Variants in CYP2E1 observed in about 807,000 individuals in gnomAD.
CYP2E1 encodes cytochrome P450 2E1.
CYP2E1 carries 31 observed loss-of-function variants against 42.9 expected under a neutral mutation model. That is an observed-to-expected ratio of 0.72 (90% CI 0.54 to 0.98). The LOEUF (loss-of-function observed/expected upper bound fraction) is 0.98, where lower values mean the gene tolerates loss of function less well. Ranked by LOEUF, CYP2E1 falls within the 50% of genes least tolerant of loss-of-function variation. The pLI is 0.00. For synonymous variants in CYP2E1, 244 were observed against 248.9 expected (o/e 0.98, Z 0.19); for missense variants, 565 against 633.2 (o/e 0.89, Z 1.16).
chr10:133,531,945 C>A (rs1851343414), intron 3 of CYP2E1, 179 bp from the exon 4 acceptor site: 3 of 750,836 alleles, frequency 4.0e-6, no homozygotes, highest in Non-Finnish European at 6.4e-6. Flanking sequence ...GACTTGTATC[C>A]TAAATACTGT....
Position 133,537,831 on chromosome 10 carries a change from A to G in CYP2E1, c.1236A>G (p.Glu412=). 1 of 1,613,982 alleles carries G rather than the reference A, an allele frequency of 6.2e-7. No homozygotes were observed. The highest frequency in any genetic ancestry group is 1.1e-5 in the South Asian group (1 of 91,062). ...EFPDPEKFKP[E]HFLNENGKFK... is the part of the protein sequence containing the mutation. ...CTGATCCAGAAAAGTTTAAGCCAGA[A>G]CACTTCCTGAATGAAAATGGAAAGT... The change falls in exon 8 of 9, where the codon GAA becomes GAG. Residue 412 remains glutamate (E), a synonymous_variant. Coordinates refer to ENST00000252945, the MANE Select transcript of CYP2E1 (RefSeq NM_000773.4).
At position 133,539,109 on chromosome 10, in the gene CYP2E1, A is replaced by AT; in HGVS notation, c.*147dup. ...CAGAATATAAATAAATCATCACATGATTATTTTAACTATATGTTAAGTCAT... is the reference window on the plus strand; with the variant it reads ...CAGAATATAAATAAATCATCACATGATTTATTTTAACTATATGTTAAGTCAT... On this transcript the variant is annotated 3_prime_UTR_variant, in exon 9 of 9. Transcript: ENST00000252945. The AT allele has an allele frequency of 8.9e-6, 5 of 560,516 alleles. No homozygotes were observed. The highest frequency in any genetic ancestry group is 1.5e-5 in the Non-Finnish European group (5 of 342,540). 34.7% of individuals were successfully genotyped at this position (560,516 alleles called of 1,614,324 possible). A position where few individuals can be genotyped will look rare whatever the true frequency, so the allele number is the denominator to read the frequency against.
intron 2 of CYP2E1, among the ~76,000 whole-genome samples, chr10:133,530,157 G>T (rs529972205): frequency 2.8e-4 from 42 of 152,308 alleles, no homozygotes; most frequent in African/African-American, 9.9e-4. Flanking sequence ...CGGAAAATTA[G>T]CAGAGCCCTG....
At chr10:133,531,990 T>C (rs1022723490) in intron 3 of CYP2E1, 134 bp from the exon 4 acceptor site, 12 of 878,214 alleles carry the variant, frequency 1.4e-5, no homozygotes, top group African/African-American at 8.4e-5. Context: ...GGTTCAGACA[T>C]TCACTATCTT....
chr10:133,531,866 G>T, intron 3 of CYP2E1, 132 bp downstream of exon 3: 1 of 975,088 alleles, frequency 1.0e-6, no homozygotes, highest in African/African-American at 1.6e-5. Flanking sequence ...TGAGTCCCCA[G>T]ATACTGCATT....
chr10:133,536,958 G>C (rs1004848005), intron 6 of CYP2E1, 105 bp from the exon 7 acceptor site: 2 of 887,670 alleles, frequency 2.3e-6, no homozygotes, highest in Non-Finnish European at 3.6e-6. Context: ...ATGTGTAGGT[G>C]GGCAGATGGA....
At chr10:133,531,197 ATGT>A (rs1451750754) in intron 2 of CYP2E1, among the ~76,000 whole-genome samples, 2 of 152,192 alleles carry the variant, frequency 1.3e-5, no homozygotes. Context: ...CTTTTCAAGA[ATGT>A]TGTCGATAGA....
chr10:133,530,119 T>C (rs1851319219), intron 2 of CYP2E1, among the ~76,000 whole-genome samples: 1 of 152,146 alleles, frequency 6.6e-6, no homozygotes, highest in South Asian at 2.1e-4. Flanking sequence ...AAGTTTCATT[T>C]TCATATGACC....
At position 133,537,073 on chromosome 10, in the gene CYP2E1, T is replaced by G; in HGVS notation, c.978T>G (p.His326Gln). 3 of 1,613,388 alleles carry G rather than the reference T, an allele frequency of 1.9e-6. No individual in the cohort carries two copies. Among genetic ancestry groups the G allele is most frequent in the Non-Finnish European group, 2.5e-6 (3 of 1,179,638 alleles). The change falls in exon 7 of 9, where the codon CAT becomes CAG. Residue 326 changes from histidine (H) to glutamine (Q), a missense_variant. Physicochemically the swap from His to Gln is conservative, Grantham distance 24 (BLOSUM62 0). Transcript: ENST00000252945. ...MKYPEIEEKL[H>Q]EEIDRVIGPS... Reference sequence around the variant, plus strand: ...TTCATATCTTGGCAGAGAAGCTCCATGAAGAAATTGACAGGGTGATTGGGC... The same window carrying G: ...TTCATATCTTGGCAGAGAAGCTCCAGGAAGAAATTGACAGGGTGATTGGGC...
intron 8 of CYP2E1, among the ~76,000 whole-genome samples, chr10:133,538,506 A>G (rs1851433382): frequency 6.6e-6 from 1 of 152,190 alleles, no homozygotes; most frequent in African/African-American, 2.4e-5. Context: ...TACTGGGCAG[A>G]CACGGTCTTC....
At chr10:133,527,747 G>T (rs1422198126) in intron 1 of CYP2E1, among the ~76,000 whole-genome samples, 175 bp downstream of exon 1, 3 of 152,180 alleles carry the variant, frequency 2.0e-5, no homozygotes, top group Non-Finnish European at 2.9e-5. Context: ...GGTGCAGCTG[G>T]AGCCCGGAGC....
chr10:133,528,276 C>A, intron 1 of CYP2E1: 1 of 586,612 alleles, frequency 1.7e-6, no homozygotes, highest in Non-Finnish European at 3.0e-6. Flanking sequence ...AGCAGAGCAG[C>A]TGGAACCCCC....
intron 1 of CYP2E1, chr10:133,528,164 G>A (rs977193282): frequency 1.0e-5 from 3 of 290,034 alleles, no homozygotes; most frequent in Non-Finnish European, 2.0e-5. Flanking sequence ...TTCCGGAAGC[G>A]GGCAACGGGG....
Position 133,538,985 on chromosome 10 carries a change from A to G in CYP2E1, c.*21A>G. The G allele has an allele frequency of 6.5e-7, 1 of 1,544,384 alleles. No individual in the cohort carries two copies. The highest frequency in any genetic ancestry group is 8.7e-7 in the Non-Finnish European group (1 of 1,143,994). Reference sequence around the variant, plus strand: ...CATGAGTGTGTGGAGGACACCCTGAACCCCCCGCTTTCAAACAAGTTTTCA... The same window carrying G: ...CATGAGTGTGTGGAGGACACCCTGAGCCCCCCGCTTTCAAACAAGTTTTCA... On this transcript the variant is annotated 3_prime_UTR_variant, in exon 9 of 9. Coordinates refer to ENST00000252945, the MANE Select transcript of CYP2E1 (RefSeq NM_000773.4).
chr10:133,537,176 A>T lies in CYP2E1; in HGVS notation c.1081A>T (p.Ile361Phe), dbSNP rs769239142. 1 of 1,614,084 alleles carries T rather than the reference A, an allele frequency of 6.2e-7. No individual in the cohort carries two copies. The highest frequency in any genetic ancestry group is 1.1e-5 in the South Asian group (1 of 91,076). The change falls in exon 7 of 9, where the codon ATC becomes TTC. Residue 361 changes from isoleucine (I) to phenylalanine (F), a missense_variant. By Grantham distance (21) the Ile-to-Phe change is conservative. Coordinates refer to ENST00000252945, the MANE Select transcript of CYP2E1 (RefSeq NM_000773.4). Reference protein sequence around the residue: ...DAVVHEIQRFITLVPSNLPHE... With the variant: ...DAVVHEIQRFFTLVPSNLPHE... ...TGTGGTGCATGAGATTCAGCGGTTC[A>T]TCACCCTCGTGCCCTCCAACCTGCC...
chr10:133,534,245 G>T (rs1485399157), intron 6 of CYP2E1, among the ~76,000 whole-genome samples: 8 of 152,330 alleles, frequency 5.3e-5, no homozygotes, highest in Middle Eastern at 3.4e-3. Context: ...GTAAGACCTG[G>T]TCTTCTAGGC....
Position 133,533,792 on chromosome 10 carries a change from G to A in CYP2E1, c.862G>A (p.Gly288Ser), listed in dbSNP as rs61710826. The A allele has an allele frequency of 1.2e-3, 1,999 of 1,614,164 alleles. 38 individuals carry two copies. In the South Asian group the frequency reaches 0.02, roughly 16 times the overall value. ...HSAERLYTMD[G>S]ITVTVADLFF... ...TGCAGAGCGCTTGTACACAATGGAC[G>A]GTATCACCGTGACTGTGGCCGACCT... The change falls in exon 6 of 9, where the codon GGT becomes AGT. Residue 288 changes from glycine (G) to serine (S), a missense_variant. Gly to Ser is a moderately conservative substitution (Grantham distance 56). Coordinates refer to ENST00000252945, the MANE Select transcript of CYP2E1 (RefSeq NM_000773.4).
intron 1 of CYP2E1, chr10:133,528,217 AGTCCGCGGAGTTGCCGCGGAGTT>A (rs551397455): frequency 0.013 from 5,190 of 396,566 alleles, 57 homozygotes; most frequent in Middle Eastern, 0.019. Flanking sequence ...GAGGAGCCGG[AGTCCGCGGAGTTGCCGCGGAGTT>A]GTCCGCGGAG....
intron 6 of CYP2E1, among the ~76,000 whole-genome samples, chr10:133,536,506 T>G: frequency 8.0e-6 from 1 of 124,450 alleles, no homozygotes; most frequent in Non-Finnish European, 1.8e-5. Context: ...GATGGAAGGG[T>G]GGGTGGATGG....
Sources: gnomAD v4.1 joint callset for allele counts (sites outside exome capture counted in the v4.1 genomes callset) on GRCh38, gnomAD v4.1.1 for gene constraint, MANE v1.5 for transcripts, NCBI Gene and HGNC (gene_info 2026-07-23, HGNC 2026-07-21) for gene names.